FAM193A: variants seen among roughly 807,000 people sequenced by gnomAD.
FAM193A encodes protein FAM193A.
Under a neutral mutation model 126.5 loss-of-function variants are expected in FAM193A, and 22 were observed. That is an observed-to-expected ratio of 0.17 (90% CI 0.12 to 0.25). The LOEUF is 0.25. Among genes scored for constraint, FAM193A ranks in the 10% least tolerant of loss-of-function variants. The probability of loss-of-function intolerance (pLI) is 1.00; values close to 1 mark genes in which losing one functional copy is unlikely to be tolerated. For synonymous variants in FAM193A, 761 were observed against 646.8 expected, an observed-to-expected ratio of 1.18 and a Z score of -2.68; for missense variants, 1,675 against 1,672.8, an observed-to-expected ratio of 1.00 and a Z score of -0.02.
chr4:2,686,458 A>AATATC (rs1715750139), intron 13 of FAM193A, among the ~76,000 whole-genome samples: 1 of 152,236 alleles, frequency 6.6e-6, no homozygotes, highest in Non-Finnish European at 1.5e-5. Flanking sequence ...GAGAAGACAA[A>AATATC]AACATAATCA....
chr4:2,538,059 A>G (rs565431294), intron 1 of FAM193A, among the ~76,000 whole-genome samples: 391 of 152,288 alleles, frequency 2.6e-3, no homozygotes, highest in Middle Eastern at 6.8e-3. Flanking sequence ...CTGCTGAAAG[A>G]GAATAGATTT....
At chr4:2,602,603 T>A (rs1010754971) in intron 2 of FAM193A, among the ~76,000 whole-genome samples, 1 of 152,098 alleles carries the variant, frequency 6.6e-6, no homozygotes, top group Non-Finnish European at 1.5e-5. Flanking sequence ...TCCACCCACC[T>A]TGGCCTCCCA....
intron 12 of FAM193A, among the ~76,000 whole-genome samples, chr4:2,665,158 G>A (rs1395989259): frequency 6.6e-6 from 1 of 151,980 alleles, no homozygotes; most frequent in Non-Finnish European, 1.5e-5. Flanking sequence ...ATTTTTCTCA[G>A]TAGTTCTAAA....
At chr4:2,537,914 CAGCT>C (rs958367565) in intron 1 of FAM193A, among the ~76,000 whole-genome samples, 26 of 152,264 alleles carry the variant, frequency 1.7e-4, no homozygotes, top group African/African-American at 5.3e-4. Context: ...TTTATGAAGA[CAGCT>C]AGCACACATT....
chr4:2,564,582 A>G (rs1183222253), intron 1 of FAM193A, among the ~76,000 whole-genome samples: 4 of 152,170 alleles, frequency 2.6e-5, no homozygotes, highest in Non-Finnish European at 5.9e-5. Context: ...TTTGTACTGG[A>G]AAAAGTGCTA....
intron 7 of FAM193A, among the ~76,000 whole-genome samples, chr4:2,656,620 C>T (rs150163943): frequency 2.0e-5 from 3 of 152,278 alleles, no homozygotes; most frequent in East Asian, 1.9e-4. Flanking sequence ...CCTGTGTGTG[C>T]GTGCGTGTGT....
intron 18 of FAM193A, among the ~76,000 whole-genome samples, chr4:2,698,016 A>G (rs1287898743): frequency 6.6e-6 from 1 of 152,208 alleles, no homozygotes; most frequent in South Asian, 2.1e-4. Context: ...TTAGAGGCTG[A>G]TGTCATAGGC....
At chr4:2,655,961 T>C (rs1002036496) in intron 7 of FAM193A, among the ~76,000 whole-genome samples, 3 of 152,108 alleles carry the variant, frequency 2.0e-5, no homozygotes, top group Admixed American at 6.6e-5. Flanking sequence ...ACAAATGAAA[T>C]TTTTTGTAGC....
intron 4 of FAM193A, among the ~76,000 whole-genome samples, chr4:2,626,957 A>C (rs982978425): frequency 6.6e-6 from 1 of 151,956 alleles, no homozygotes; most frequent in Non-Finnish European, 1.5e-5. Context: ...CCATTTATGA[A>C]GTGAAAAAAT....
rs576248159 is a variant in FAM193A at position 2,629,857 on chromosome 4, T to C, written c.804-1078T>C. ...TTTAAAATGTGCATTATCGGCCGGG[T>C]GCGGTGGCTCACGCCTGTAAGTCCC... On this transcript the variant is annotated intron_variant, in intron 4 of 20. Coordinates refer to ENST00000637812, the MANE Select transcript of FAM193A (RefSeq NM_001366318.2). 1.2e-4 allele frequency among the ~76,000 whole-genome samples: 19 copies of C among 152,204 alleles called. No homozygotes were observed. In the East Asian group the frequency reaches 2.1e-3, roughly 17 times the overall value.
intron 1 of FAM193A, among the ~76,000 whole-genome samples, chr4:2,581,225 T>G (rs967613081): frequency 2.7e-4 from 41 of 151,694 alleles, no homozygotes; most frequent in Non-Finnish European, 7.4e-5. Context: ...TGATACCATA[T>G]TCTCTCTTCC....
At chr4:2,567,484 C>T (rs1739038718) in intron 1 of FAM193A, among the ~76,000 whole-genome samples, 1 of 152,032 alleles carries the variant, frequency 6.6e-6, no homozygotes, top group Admixed American at 6.6e-5. Flanking sequence ...AAGTATTCAA[C>T]CAAGATTTTT....
intron 20 of FAM193A, among the ~76,000 whole-genome samples, chr4:2,716,559 T>G (rs1719558696): frequency 6.6e-6 from 1 of 152,262 alleles, no homozygotes; most frequent in Admixed American, 6.5e-5. Context: ...TGGAGTGGTA[T>G]GCTTTTGAGA....
At chr4:2,642,334 G>T (rs533758289) in intron 6 of FAM193A, among the ~76,000 whole-genome samples, 229 of 152,048 alleles carry the variant, frequency 1.5e-3, no homozygotes, top group African/African-American at 5.3e-3. Context: ...AGAACAAGGT[G>T]TTACGGGGCG....
At chr4:2,606,354 A>G (rs1470024648) in intron 2 of FAM193A, among the ~76,000 whole-genome samples, 1 of 152,216 alleles carries the variant, frequency 6.6e-6, no homozygotes, top group Admixed American at 6.5e-5. Context: ...CCGGCCTAAC[A>G]AACCTCTTTA....
intron 1 of FAM193A, among the ~76,000 whole-genome samples, chr4:2,573,685 C>G (rs1335230404): frequency 6.6e-6 from 1 of 152,096 alleles, no homozygotes; most frequent in Non-Finnish European, 1.5e-5. Flanking sequence ...CTGCTGGGAG[C>G]CTACCTGTCG....
At chr4:2,587,674 A>G (rs543206325) in intron 1 of FAM193A, among the ~76,000 whole-genome samples, 40 of 152,176 alleles carry the variant, frequency 2.6e-4, no homozygotes, top group Non-Finnish European at 5.3e-4. Flanking sequence ...AGCCTAGGCA[A>G]CAGAGTGACC....
chr4:2,600,486 G>A (rs535018025), intron 2 of FAM193A, among the ~76,000 whole-genome samples: 53 of 152,148 alleles, frequency 3.5e-4, no homozygotes, highest in Non-Finnish European at 6.9e-4. Context: ...CATCTAGTGC[G>A]TTTTTCTGGC....
intron 12 of FAM193A, among the ~76,000 whole-genome samples, chr4:2,668,813 T>C (rs1054801503): frequency 1.3e-5 from 2 of 151,928 alleles, no homozygotes; most frequent in African/African-American, 4.8e-5. Context: ...TCTCTCTCTC[T>C]TTCTCTTTTC....
Sources: allele counts gnomAD v4.1 joint callset (sites outside exome capture counted in the v4.1 genomes callset), GRCh38; gene constraint gnomAD v4.1.1; transcripts MANE v1.5; gene names NCBI Gene and HGNC (gene_info 2026-07-23, HGNC 2026-07-21).